The following PLD2 variants were observed in gnomAD, a reference collection of about 807,000 sequenced individuals.
PLD2 encodes phospholipase D2.
In PLD2, 101 loss-of-function variants were observed where a neutral mutation model predicts 119.8. The ratio of observed to expected loss-of-function variants is 0.84; its 90% confidence interval spans 0.72 to 0.99. The LOEUF (loss-of-function observed/expected upper bound fraction) is 0.99. Ranked by LOEUF, PLD2 falls within the 50% of genes least tolerant of loss-of-function variation. The probability of loss-of-function intolerance (pLI) is 0.00; values close to 1 mark genes in which losing one functional copy is unlikely to be tolerated. For synonymous variants in PLD2, 494 were observed against 482.8 expected (o/e 1.02, Z -0.30); for missense variants, 1,164 against 1,226.8 (o/e 0.95, Z 0.76).
chr17:4,808,130 C>A lies in PLD2; in HGVS notation c.240+16C>A. 6.2e-7 allele frequency: 1 copy of A among 1,601,282 alleles called. No homozygotes were observed. Among genetic ancestry groups the A allele is most frequent in the Non-Finnish European group, 8.5e-7 (1 of 1,170,028 alleles). ...CGGATCCAAGGTGGCCAGACTGGCC[C>A]CAGGGAGGGGGAAAGGGAGGGCGGC... On this transcript the variant is annotated intron_variant, in intron 3 of 24. Coordinates refer to ENST00000263088, the MANE Select transcript of PLD2 (RefSeq NM_002663.5). This position sits in a 1 kb window ranked among gnomAD's most constrained non-coding sequence, Gnocchi z 4.1.
chr17:4,810,756 G>A (rs967051326), intron 9 of PLD2, 46 bp from the exon 10 acceptor site: 7 of 1,576,414 alleles, frequency 4.4e-6, no homozygotes, highest in Non-Finnish European at 6.0e-6. Context: ...CAAGATCACA[G>A]GTATGGAGGG....
intron 21 of PLD2, 58 bp downstream of exon 21, chr17:4,818,881 C>T (rs895766087): frequency 3.4e-5 from 53 of 1,564,298 alleles, no homozygotes; most frequent in Admixed American, 1.9e-4. Context: ...GAGATTGGGG[C>T]GCTGCAGGCC....
rs373212747 is a variant in PLD2, at chr17:4,823,091, C to T, written c.*227C>T. On this transcript the variant is annotated 3_prime_UTR_variant, in exon 25 of 25. Coordinates refer to ENST00000263088, the MANE Select transcript of PLD2 (RefSeq NM_002663.5). ...GGAGAGAGTCCCAGAGCTCATCCCC[C>T]CTGCTGCCCAGTGCAAACCACTTCT... 5.8e-5 allele frequency: 31 copies of T among 537,570 alleles called. 1 individual carries two copies. The highest frequency in any genetic ancestry group is 1.4e-4 in the South Asian group (5 of 36,222). The allele number at this position is 537,570 out of a possible 1,614,324, so 33.3% of individuals were successfully genotyped here.
Position 4,819,014 on chromosome 17 carries a change from G to A in PLD2, c.2174-70G>A. On this transcript the variant is annotated intron_variant, in intron 21 of 24. Transcript: ENST00000263088. The surrounding 1 kb of genome is among the most constrained non-coding windows in gnomAD (Gnocchi z 4.2). ...TCTATGTAGGAAGAGTTTCTGGAGT[G>A]AGAGGAGGTGGGACAGGGCCCTGTG... 1.3e-6 allele frequency: 2 copies of A among 1,592,520 alleles called. No homozygotes were observed. The highest frequency in any genetic ancestry group is 3.4e-5 in the Admixed American group (2 of 58,752).
intron 9 of PLD2, 123 bp downstream of exon 9, chr17:4,810,152 A>G (rs993271192): frequency 2.5e-5 from 25 of 998,772 alleles, no homozygotes; most frequent in African/African-American, 2.2e-4. Flanking sequence ...GGATCGGGAC[A>G]TAGTTTTGAA....
Position 4,809,569 on chromosome 17 carries a change from T to C in PLD2, c.614+18T>C. 6.2e-7 allele frequency: 1 copy of C among 1,605,410 alleles called. No individual in the cohort carries two copies. The highest frequency in any genetic ancestry group is 8.5e-7 in the Non-Finnish European group (1 of 1,173,708). On this transcript the variant is annotated intron_variant, in intron 7 of 24. Coordinates refer to ENST00000263088, the MANE Select transcript of PLD2 (RefSeq NM_002663.5). Reference sequence around the variant, plus strand: ...AAAGGACTGTGAGTGTCTGGCCCCCTTCACCCAGGCATCCGTAGACATCAC... The same window carrying C: ...AAAGGACTGTGAGTGTCTGGCCCCCCTCACCCAGGCATCCGTAGACATCAC...
At chr17:4,817,319 C>T (rs894986701) in intron 17 of PLD2, 60 bp downstream of exon 17, 1 of 1,069,744 alleles carries the variant, frequency 9.3e-7, no homozygotes, top group Non-Finnish European at 1.5e-6. Flanking sequence ...ACACCCCAAC[C>T]CACTCTCCCT....
In PLD2 at chr17:4,808,380, GAC is replaced by G; in HGVS notation, c.351_352del (p.His117GlnfsTer36). 4 of 1,614,086 alleles carry G rather than the reference GAC, an allele frequency of 2.5e-6. No individual in the cohort carries two copies. The highest frequency in any genetic ancestry group is 3.4e-6 in the Non-Finnish European group (4 of 1,179,974). On this transcript the variant is annotated frameshift_variant, in exon 4 of 25. Transcript: ENST00000263088. LOFTEE classifies it high-confidence loss of function. This position sits in a 1 kb window ranked among gnomAD's most constrained non-coding sequence, Gnocchi z 4.1. ...CAGGAGCTGCATCGGGACCTCCTGA[GAC>G]ACAAAGTCTTGATGAGTCTGCTCCC... is the stretch of plus-strand genomic sequence containing the variant.
rs376089952 is a variant in PLD2, at chr17:4,822,632, G to A, written c.2578-8G>A. 6.9e-6 allele frequency: 11 copies of A among 1,594,444 alleles called. No individual in the cohort carries two copies. Among genetic ancestry groups the A allele is most frequent in the Admixed American group, 3.4e-5 (2 of 59,674 alleles). On this transcript the variant is annotated splice_polypyrimidine_tract_variant and splice_region_variant and intron_variant, in intron 24 of 24. Transcript: ENST00000263088. ...AAGCCTTACTGGCGTCCATGCCCCC[G>A]CCCACAGATCTTCCGCTGCCTGCCA...
In PLD2 at chr17:4,817,229, A is replaced by G. The variant is rs1447061825; in HGVS notation, c.1785A>G (p.Thr595=). 1.2e-6 allele frequency: 2 copies of G among 1,613,080 alleles called. No homozygotes were observed. The highest frequency in any genetic ancestry group is 1.7e-5 in the Admixed American group (1 of 59,986). Residue 595 remains threonine, a synonymous_variant, in exon 17 of 25, where the codon ACA becomes ACG. Transcript: ENST00000263088. Reference sequence around the variant, plus strand: ...GCACGGCCAATCAGCTCCCCTTCACACTTCCAGGAGGGCAGTGCACCACCG... The same window carrying G: ...GCACGGCCAATCAGCTCCCCTTCACGCTTCCAGGAGGGCAGTGCACCACCG... ...STSTANQLPF[T]LPGGQCTTVQ...
chr17:4,819,312 T>TAGGGGTGGAGGGTCCAA lies in PLD2; in HGVS notation c.2308+94_2308+95insAGGGGTGGAGGGTCCAA. The TAGGGGTGGAGGGTCCAA allele has an allele frequency of 6.3e-7, 1 of 1,592,276 alleles. No individual in the cohort carries two copies. Among genetic ancestry groups the TAGGGGTGGAGGGTCCAA allele is most frequent in the South Asian group, 1.1e-5 (1 of 89,390 alleles). ...TGACAGAGACTGCAGCTGAGGCTCG[T>TAGGGGTGGAGGGTCCAA]GTAGGGGTGGAGGGTCCAAGAAGGA... On this transcript the variant is annotated intron_variant, in intron 22 of 24. Transcript: ENST00000263088. This position sits in a 1 kb window ranked among gnomAD's most constrained non-coding sequence, Gnocchi z 4.2.
chr17:4,821,827 G>T lies in PLD2; in HGVS notation c.2497G>T (p.Asp833Tyr), dbSNP rs1485107366. 2 of 1,614,060 alleles carry T rather than the reference G, an allele frequency of 1.2e-6. No homozygotes were observed. Among genetic ancestry groups the T allele is most frequent in the Admixed American group, 3.3e-5 (2 of 60,008 alleles). The change falls in exon 24 of 25, where the codon GAT (aspartate) becomes TAT (tyrosine). Residue 833 changes from aspartate (D) to tyrosine (Y), a missense_variant. Physicochemically the swap from Asp to Tyr is radical, Grantham distance 160 (BLOSUM62 -3). Coordinates refer to ENST00000263088, the MANE Select transcript of PLD2 (RefSeq NM_002663.5). ...ILGANTRPDL[D>Y]LRDPICDDFF... Reference sequence around the variant, plus strand: ...TGGAGCAAATACCCGGCCAGACTTGGATCTCCGAGACCCCATCTGTGATGA... The same window carrying T: ...TGGAGCAAATACCCGGCCAGACTTGTATCTCCGAGACCCCATCTGTGATGA...
Position 4,819,238 on chromosome 17 carries a change from C to G in PLD2, c.2308+20C>G. 1.2e-6 allele frequency: 2 copies of G among 1,613,226 alleles called. No homozygotes were observed. Among genetic ancestry groups the G allele is most frequent in the Non-Finnish European group, 1.7e-6 (2 of 1,179,686 alleles). On this transcript the variant is annotated intron_variant, in intron 22 of 24. Transcript: ENST00000263088. This position sits in a 1 kb window ranked among gnomAD's most constrained non-coding sequence, Gnocchi z 4.2. ...TCATTGGTCAGTGCCGGATCTAGTC[C>G]TCTGGCAGGGAGAGGGTGTGGGGAC...
At chr17:4,821,991 A>G in intron 24 of PLD2, 84 bp downstream of exon 24, 1 of 837,744 alleles carries the variant, frequency 1.2e-6, no homozygotes, top group Non-Finnish European at 2.0e-6. Context: ...GAGAAGCGCC[A>G]CCATACAGTC....
In PLD2 at chr17:4,808,178, G is replaced by A; in HGVS notation, c.240+64G>A. On this transcript the variant is annotated intron_variant, in intron 3 of 24. Coordinates refer to ENST00000263088, the MANE Select transcript of PLD2 (RefSeq NM_002663.5). The surrounding 1 kb of genome is among the most constrained non-coding windows in gnomAD (Gnocchi z 4.1). The stretch of plus-strand genomic sequence containing the variant: ...GGCCCGGAATGGATCCAAGGTGGCT[G>A]GGCTGGCCCCAGGGAAGGGGCAAAA... 6.3e-7 allele frequency: 1 copy of A among 1,592,320 alleles called. No homozygotes were observed. The highest frequency in any genetic ancestry group is 8.6e-7 in the Non-Finnish European group (1 of 1,165,456).
Position 4,819,490 on chromosome 17 carries a change from G to T in PLD2, c.2370G>T (p.Leu790=). Residue 790 remains leucine (L), a synonymous_variant, in exon 23 of 25, where the codon CTG becomes CTT. Transcript: ENST00000263088. The surrounding 1 kb of genome is among the most constrained non-coding windows in gnomAD (Gnocchi z 4.2). Reference sequence around the variant, plus strand: ...AGCGGGACAGTGAGCTGGCCGTGCTGATCGAGGACACAGAGACGGAACCAT... The same window carrying T: ...AGCGGGACAGTGAGCTGGCCGTGCTTATCGAGGACACAGAGACGGAACCAT... ...LGKRDSELAV[L]IEDTETEPSL... The T allele has an allele frequency of 6.2e-7, 1 of 1,613,880 alleles. No individual in the cohort carries two copies. The highest frequency in any genetic ancestry group is 1.1e-5 in the South Asian group (1 of 91,060).
rs773085003 is a variant in PLD2, at chr17:4,814,682, A to G, written c.1144A>G (p.Arg382Gly). 5 of 1,613,988 alleles carry G rather than the reference A, an allele frequency of 3.1e-6. No individual in the cohort carries two copies. Among genetic ancestry groups the G allele is most frequent in the Non-Finnish European group, 4.2e-6 (5 of 1,179,990 alleles). ...LKRPAHSDDW[R>G]LDIMLKRKAE... ...GCGTCCGGCCCATTCAGATGACTGG[A>G]GACTGGACATTATGCTCAAGAGGAA... Residue 382 changes from arginine to glycine, a missense_variant, in exon 12 of 25, where the codon AGA becomes GGA. Physicochemically the swap from Arg to Gly is moderately radical, Grantham distance 125. Transcript: ENST00000263088.
chr17:4,809,784 G>A lies in PLD2; in HGVS notation c.707+1G>A. ...AAGTTTGTTATCGCTGGTCCAAGAG[G>A]TACGGGCTATGGCCAAGCAGCTGGG... On this transcript the variant is annotated splice_donor_variant, in intron 8 of 24. Transcript: ENST00000263088. LOFTEE classifies it high-confidence loss of function. The A allele has an allele frequency of 6.2e-7, 1 of 1,614,170 alleles. No homozygotes were observed. Among genetic ancestry groups the A allele is most frequent in the Non-Finnish European group, 8.5e-7 (1 of 1,180,030 alleles).
At position 4,809,106 on chromosome 17, in the gene PLD2, C is replaced by T. The variant is rs1289676107; in HGVS notation, c.390C>T (p.Ala130=). The T allele has an allele frequency of 1.1e-5, 18 of 1,613,360 alleles. No homozygotes were observed. The highest frequency in any genetic ancestry group is 2.7e-5 in the African/African-American group (2 of 74,884). The change falls in exon 5 of 25, where the codon GCC becomes GCT. Residue 130 remains alanine (A), a synonymous_variant. Coordinates refer to ENST00000263088, the MANE Select transcript of PLD2 (RefSeq NM_002663.5). ...LMSLLPLARF[A]VAYSPARDAG... ...TCATCCATCCTTTCCACAGATTTGC[C>T]GTTGCCTATTCTCCAGCCCGAGATG...
Sources: gnomAD v4.1 joint callset for allele counts on GRCh38, gnomAD v4.1.1 for gene constraint, Gnocchi (gnomAD v3.1) non-coding constraint, MANE v1.5 for transcripts, NCBI Gene and HGNC (gene_info 2026-07-23, HGNC 2026-07-21) for gene names.